Variants in PHKA1 observed in about 807,000 individuals in gnomAD.
PHKA1 encodes phosphorylase kinase regulatory subunit alpha 1, also known as phosphorylase b kinase regulatory subunit alpha, skeletal muscle isoform.
Under a neutral mutation model 110.2 loss-of-function variants are expected in PHKA1, and 60 were observed. The ratio of observed to expected loss-of-function variants is 0.54; its 90% CI spans 0.44 to 0.68. PHKA1 has a LOEUF of 0.68. Ranked by LOEUF, PHKA1 falls within the 30% of genes least tolerant of loss-of-function variation. PHKA1 has a pLI of 0.00. For missense variants in PHKA1, 801 were observed against 942.5 expected (o/e 0.85, Z 1.97); for synonymous variants, 316 against 333.6 (o/e 0.95, Z 0.58).
chrX:72,619,199 C>A lies in PHKA1; in HGVS notation c.2229+15G>T, dbSNP rs552106907. The A allele has an allele frequency of 2.6e-4, 275 of 1,052,317 alleles. 2 individuals carry two copies. The South Asian group carries it at 4.9e-3, about 19-fold the overall frequency. 86.7% of individuals were successfully genotyped at this position (1,052,317 alleles called of 1,213,427 possible). Reference sequence around the variant, plus strand: ...TTTCAAAAAGCTAATAGAAATACCTCCTGCACAAATTTACCTGGTTCTCCT... The same window carrying A: ...TTTCAAAAAGCTAATAGAAATACCTACTGCACAAATTTACCTGGTTCTCCT... On this transcript the variant is annotated intron_variant, in intron 20 of 31. Coordinates refer to ENST00000373542, the MANE Select transcript of PHKA1 (RefSeq NM_002637.4).
At chrX:72,705,891 T>TG (rs782819563) in intron 2 of PHKA1, among the ~76,000 whole-genome samples, 1 of 111,829 alleles carries the variant, frequency 8.9e-6, no homozygotes, top group South Asian at 3.8e-4. Flanking sequence ...ATATACTACA[T>TG]GACACTAAAG....
At chrX:72,681,581 C>T (rs1343477367) in intron 5 of PHKA1, among the ~76,000 whole-genome samples, 30 of 75,749 alleles carry the variant, frequency 4.0e-4, no homozygotes, top group Non-Finnish European at 5.5e-4. Context: ...CCGCCCCGTC[C>T]GGGAGGTGAG....
chrX:72,681,143 T>C (rs1288453292), intron 5 of PHKA1, among the ~76,000 whole-genome samples: 1 of 77,230 alleles, frequency 1.3e-5, no homozygotes, highest in Non-Finnish European at 2.5e-5. Flanking sequence ...CGGCCGCCCA[T>C]CGTCTGAGAT....
At chrX:72,682,258 C>T (rs1271028804) in intron 5 of PHKA1, among the ~76,000 whole-genome samples, 1 of 94,135 alleles carries the variant, frequency 1.1e-5, no homozygotes, top group East Asian at 3.8e-4. Context: ...GCCCCCCGCC[C>T]GGCCAGCCGC....
At chrX:72,661,494 A>G (rs1556304026) in intron 8 of PHKA1, among the ~76,000 whole-genome samples, 1 of 110,765 alleles carries the variant, frequency 9.0e-6, no homozygotes, top group Admixed American at 9.6e-5. Context: ...TCAAGATGTA[A>G]TTTTATATTT....
intron 8 of PHKA1, among the ~76,000 whole-genome samples, chrX:72,661,678 T>TA (rs372572964): frequency 5.1e-4 from 23 of 44,683 alleles, no homozygotes; most frequent in South Asian, 1.6e-3. Context: ...GAATACCAAT[T>TA]AAAAAAAAAC....
intron 13 of PHKA1, among the ~76,000 whole-genome samples, chrX:72,649,628 A>G (rs782433272): frequency 9.0e-6 from 1 of 111,683 alleles, no homozygotes; most frequent in African/African-American, 3.3e-5. Flanking sequence ...GGGGCCATGG[A>G]AGCAAATTTA....
At chrX:72,658,751 G>C (rs906947661) in intron 8 of PHKA1, among the ~76,000 whole-genome samples, 9 of 111,899 alleles carry the variant, frequency 8.0e-5, no homozygotes, top group Non-Finnish European at 1.1e-4. Context: ...ATGCATATTG[G>C]GAAGGATACC....
chrX:72,629,758 C>A lies in PHKA1; in HGVS notation c.1715-2709G>T, dbSNP rs1246729241. ...GGTTACTTTTACATTTTTTAGAATG[C>A]CATTTTGATTTACCTATACTGGGTT... is the stretch of plus-strand genomic sequence containing the variant. On this transcript the variant is annotated intron_variant, in intron 16 of 31. Transcript: ENST00000373542. 1.1e-4 allele frequency among the ~76,000 whole-genome samples: 12 copies of A among 111,100 alleles called. No homozygotes were observed. In the East Asian group the frequency reaches 3.4e-3, roughly 31 times the overall value.
intron 8 of PHKA1, among the ~76,000 whole-genome samples, chrX:72,660,171 T>G (rs1556303414): frequency 8.9e-6 from 1 of 112,078 alleles, no homozygotes. Flanking sequence ...CCCTGGTTGA[T>G]TCTTTAAATT....
intron 25 of PHKA1, 151 bp downstream of exon 25, chrX:72,605,120 A>G: frequency 1.9e-6 from 1 of 521,985 alleles, no homozygotes; most frequent in Admixed American, 2.8e-5. Context: ...CTTGACTTGC[A>G]TAAATAGTGA....
intron 29 of PHKA1, among the ~76,000 whole-genome samples, chrX:72,585,686 A>T (rs1488869255): frequency 1.8e-5 from 2 of 112,223 alleles, no homozygotes; most frequent in Non-Finnish European, 3.8e-5. Context: ...GCCGTGACAG[A>T]CTGTACTTGG....
At chrX:72,608,234 C>T (rs1287750125) in intron 23 of PHKA1, among the ~76,000 whole-genome samples, 3 of 111,477 alleles carry the variant, frequency 2.7e-5, no homozygotes, top group Non-Finnish European at 3.8e-5. Context: ...CCAGGAGCTA[C>T]GGACTGGAAT....
intron 25 of PHKA1, 135 bp downstream of exon 25, chrX:72,605,136 A>T (rs979168188): frequency 1.2e-4 from 69 of 559,167 alleles, no homozygotes; most frequent in Non-Finnish European, 1.9e-4. Context: ...AGTGACCAAC[A>T]GGGGAACAAG....
At chrX:72,609,825 T>A in intron 22 of PHKA1, 122 bp from the exon 23 acceptor site, 1 of 538,815 alleles carries the variant, frequency 1.9e-6, no homozygotes, top group Non-Finnish European at 3.3e-6. Flanking sequence ...ACTCTCTTCC[T>A]CAGAAAATAC....
chrX:72,601,776 C>A (rs2052660408), intron 28 of PHKA1, among the ~76,000 whole-genome samples: 1 of 111,366 alleles, frequency 9.0e-6, no homozygotes, highest in South Asian at 3.9e-4. Context: ...ACTTCAATTT[C>A]TTATTATCAG....
At chrX:72,652,285 T>C (rs1026431381) in intron 12 of PHKA1, among the ~76,000 whole-genome samples, 5 of 111,240 alleles carry the variant, frequency 4.5e-5, no homozygotes, top group African/African-American at 1.6e-4. Context: ...AAGGGATAGA[T>C]CTGGGGCCTG....
intron 3 of PHKA1, among the ~76,000 whole-genome samples, chrX:72,699,507 CAAAAAAAAA>C (rs1171276586): frequency 5.9e-5 from 1 of 16,943 alleles, no homozygotes; most frequent in Non-Finnish European, 1.2e-4. Flanking sequence ...GACTCCATCT[CAAAAAAAAA>C]AAAAAAAAAA....
chrX:72,677,364 T>C (rs1480088355), intron 5 of PHKA1, among the ~76,000 whole-genome samples: 1 of 112,026 alleles, frequency 8.9e-6, no homozygotes, highest in Non-Finnish European at 1.9e-5. Context: ...ACTATTTTTT[T>C]GTTTGTAATT....
Sources: allele counts gnomAD v4.1 joint callset (sites outside exome capture counted in the v4.1 genomes callset), GRCh38; gene constraint gnomAD v4.1.1; transcripts MANE v1.5; gene names NCBI Gene and HGNC (gene_info 2026-07-23, HGNC 2026-07-21).